NUTM2E: variants seen among roughly 807,000 people sequenced by gnomAD.
NUTM2E encodes family with sequence similarity 22, member E.
Under a neutral mutation model 26.1 loss-of-function variants are expected in NUTM2E, and 3 were observed. That is an observed-to-expected ratio of 0.12 (90% CI 0.05 to 0.30). The LOEUF (loss-of-function observed/expected upper bound fraction) is 0.30, where lower values mean the gene tolerates loss of function less well. Ranked by LOEUF, NUTM2E falls within the 10% of genes least tolerant of loss-of-function variation. NUTM2E has a pLI of 1.00. For missense variants in NUTM2E, 62 were observed against 381.3 expected (o/e 0.16, Z 6.97); for synonymous variants, 13 against 157.5 (o/e 0.08, Z 6.87).
intron 1 of NUTM2E, among the ~76,000 whole-genome samples, chr10:79,833,783 C>T (rs1841943477): frequency 6.6e-6 from 1 of 151,746 alleles, no homozygotes; most frequent in Non-Finnish European, 1.5e-5. Flanking sequence ...TTAGTTCAGC[C>T]ATTGTGGAAG....
chr10:79,827,698 A>G (rs1841894836), intron 1 of NUTM2E: 1 of 151,498 alleles, frequency 6.6e-6, no homozygotes, highest in Non-Finnish European at 1.5e-5. Context: ...TAACAAATTC[A>G]TGAAAAAGTG....
chr10:79,827,782 T>TG lies in NUTM2E; in HGVS notation c.-2728+427dup, dbSNP rs1219357991. The stretch of plus-strand genomic sequence containing the variant: ...CTCCCATACTAAATGAATTATTTAG[T>TG]GGTTTTTTTTTTGTTTTTTTTTTTT... On this transcript the variant is annotated intron_variant, in intron 1 of 9. Transcript: ENST00000429984. Among the ~76,000 whole-genome samples the TG allele has an allele frequency of 2.4e-3, 285 of 120,900 alleles. 4 individuals are homozygous for TG. Among genetic ancestry groups the TG allele is most frequent in the Non-Finnish European group, 2.9e-3 (174 of 59,726 alleles). The allele number at this position is 120,900 out of a possible 152,430, so 79.3% of individuals were successfully genotyped here. A position where few individuals can be genotyped will look rare whatever the true frequency, so the allele number is the denominator to read the frequency against.
At chr10:79,827,435 AT>A (rs1299188127) in intron 1 of NUTM2E, 78 bp downstream of exon 1, 1 of 151,508 alleles carries the variant, frequency 6.6e-6, no homozygotes, top group East Asian at 1.9e-4. Flanking sequence ...TACAGATAGG[AT>A]TACACTAAAA....
At chr10:79,832,944 TACTA>T (rs1162059200) in intron 1 of NUTM2E, among the ~76,000 whole-genome samples, 3 of 151,552 alleles carry the variant, frequency 2.0e-5, no homozygotes, top group South Asian at 4.2e-4. Context: ...TGAACACACT[TACTA>T]ATTGAATAAA....
chr10:79,832,299 T>C lies in NUTM2E; in HGVS notation c.-2728+4942T>C, dbSNP rs1255865264. Among the ~76,000 whole-genome samples the C allele has an allele frequency of 1.3e-5, 2 of 151,434 alleles. 1 individual carries two copies. Among genetic ancestry groups the C allele is most frequent in the South Asian group, 4.2e-4 (2 of 4,762 alleles). ...TGGCCATAAGAATTTATCTGGGAGA[T>C]GTCTATGTGTGTGTGCATGTGTGTG... On this transcript the variant is annotated intron_variant, in intron 1 of 9. Transcript: ENST00000429984.
chr10:79,828,514 T>C (rs893812725), intron 1 of NUTM2E, among the ~76,000 whole-genome samples: 1 of 151,894 alleles, frequency 6.6e-6, no homozygotes, highest in Non-Finnish European at 1.5e-5. Context: ...TTATCTCAAG[T>C]AGAAAAAATT....
intron 1 of NUTM2E, among the ~76,000 whole-genome samples, chr10:79,831,827 GT>G (rs1277545120): frequency 6.6e-6 from 1 of 151,078 alleles, no homozygotes; most frequent in Non-Finnish European, 1.5e-5. Flanking sequence ...GATAATTGCT[GT>G]TTTAGTTACT....
At chr10:79,831,905 C>A (rs557917370) in intron 1 of NUTM2E, among the ~76,000 whole-genome samples, 1 of 151,850 alleles carries the variant, frequency 6.6e-6, no homozygotes, top group Non-Finnish European at 1.5e-5. Flanking sequence ...TCTCACAGTT[C>A]TGGAGGCTGG....
At chr10:79,834,905 T>A (rs1367637082) in intron 1 of NUTM2E, among the ~76,000 whole-genome samples, 6 of 151,662 alleles carry the variant, frequency 4.0e-5, no homozygotes, top group African/African-American at 1.2e-4. Context: ...TTAGTGTGTT[T>A]AATTTTATTT....
At chr10:79,834,542 A>G (rs1490034012) in intron 1 of NUTM2E, among the ~76,000 whole-genome samples, 1 of 151,168 alleles carries the variant, frequency 6.6e-6, no homozygotes, top group African/African-American at 2.4e-5. Context: ...CTCTACTAAA[A>G]ATACAAAAAT....
chr10:79,826,988 C>T lies in NUTM2E; in HGVS notation c.-3097C>T, dbSNP rs1841886582. On this transcript the variant is annotated 5_prime_UTR_variant, in exon 1 of 10. Coordinates refer to ENST00000429984, the MANE Select transcript of NUTM2E (RefSeq NM_001355263.2). ...CATTGAGCTGCCAGCGGCTGTTCTCCCTAAGCACCCTCGCTCACGTCGCCT... is the reference window on the plus strand; with the variant it reads ...CATTGAGCTGCCAGCGGCTGTTCTCTCTAAGCACCCTCGCTCACGTCGCCT... The T allele has an allele frequency of 8.5e-6, 1 of 117,834 alleles. No individual in the cohort carries two copies. Among genetic ancestry groups the T allele is most frequent in the Non-Finnish European group, 1.9e-5 (1 of 53,722 alleles). 7.3% of individuals were successfully genotyped at this position (117,834 alleles called of 1,614,324 possible). A position where few individuals can be genotyped will look rare whatever the true frequency, so the allele number is the denominator to read the frequency against.
intron 1 of NUTM2E, among the ~76,000 whole-genome samples, chr10:79,828,800 G>C (rs1186603408): frequency 6.6e-6 from 1 of 151,728 alleles, no homozygotes; most frequent in Non-Finnish European, 1.5e-5. Context: ...AATACAGTAT[G>C]TTTCATAGGC....
intron 1 of NUTM2E, among the ~76,000 whole-genome samples, chr10:79,832,775 A>G (rs1340562804): frequency 6.6e-6 from 1 of 151,744 alleles, no homozygotes; most frequent in African/African-American, 2.4e-5. Flanking sequence ...ACCTATTTTA[A>G]TTTTCTTTTT....
At chr10:79,829,071 T>G (rs1330807591) in intron 1 of NUTM2E, among the ~76,000 whole-genome samples, 5 of 151,898 alleles carry the variant, frequency 3.3e-5, no homozygotes, top group Non-Finnish European at 2.9e-5. Context: ...TCAAGCTCTA[T>G]TCTCAAACTA....
rs574861879 is a variant in NUTM2E at position 79,849,959 on chromosome 10, C to A, written c.1990C>A (p.Gln664Lys). The A allele has an allele frequency of 3.7e-5, 29 of 787,310 alleles. 3 individuals are homozygous for A. Among genetic ancestry groups the A allele is most frequent in the African/African-American group, 3.4e-4 (14 of 41,492 alleles). The allele number at this position is 787,310 out of a possible 1,614,324, so 48.8% of individuals were successfully genotyped here. The change falls in exon 10 of 10, where the codon CAA (glutamine) becomes AAA (lysine). Residue 664 changes from glutamine (Q) to lysine (K), a missense_variant. By Grantham distance (53) the Gln-to-Lys change is moderately conservative (BLOSUM62 1). Transcript: ENST00000429984. ...QGAERDVPDP[Q>K]EGVGMETCPP... ...AGCAGAGAGAGACGTCCCTGACCCC[C>A]AAGAAGGGGTTGGCATGGAAACCTG... is the stretch of plus-strand genomic sequence containing the variant.
At chr10:79,845,057 G>A (rs1842015811) in intron 5 of NUTM2E, among the ~76,000 whole-genome samples, 185 bp downstream of exon 5, 1 of 112,950 alleles carries the variant, frequency 8.9e-6, no homozygotes, top group African/African-American at 2.7e-5. Context: ...ACTGTCAGGG[G>A]CCTCATCTCA....
rs1241412288 is a variant in NUTM2E, at chr10:79,841,121, G to A, written c.-620G>A. On this transcript the variant is annotated 5_prime_UTR_variant, in exon 4 of 10. Transcript: ENST00000429984. Reference sequence around the variant, plus strand: ...ACGAGGCCAACAGTGAGCTGAGAGAGGCCAGCCAGGGTGTGTTTCAGTGAA... The same window carrying A: ...ACGAGGCCAACAGTGAGCTGAGAGAAGCCAGCCAGGGTGTGTTTCAGTGAA... 1.7e-5 allele frequency among the ~76,000 whole-genome samples: 2 copies of A among 119,512 alleles called. No homozygotes were observed. Among genetic ancestry groups the A allele is most frequent in the Admixed American group, 9.6e-5 (1 of 10,454 alleles). The allele number at this position is 119,512 out of a possible 152,430, so 78.4% of individuals were successfully genotyped here. A position where few individuals can be genotyped will look rare whatever the true frequency, so the allele number is the denominator to read the frequency against.
Position 79,838,527 on chromosome 10 carries a change from C to G in NUTM2E, c.-2509C>G, listed in dbSNP as rs1386090928. On this transcript the variant is annotated 5_prime_UTR_variant, in exon 2 of 10. Transcript: ENST00000429984. Reference sequence around the variant, plus strand: ...TTGTTTGGAATGTGAAAGGCACGGCCGAGACACACTTTGAGGTTCCCACTG... The same window carrying G: ...TTGTTTGGAATGTGAAAGGCACGGCGGAGACACACTTTGAGGTTCCCACTG... 6.7e-6 allele frequency among the ~76,000 whole-genome samples: 1 copy of G among 148,862 alleles called. No homozygotes were observed. The highest frequency in any genetic ancestry group is 6.7e-5 in the Admixed American group (1 of 14,882).
chr10:79,839,936 C>T lies in NUTM2E; in HGVS notation c.-1805C>T, dbSNP rs1381278179. On this transcript the variant is annotated 5_prime_UTR_variant, in exon 4 of 10. Coordinates refer to ENST00000429984, the MANE Select transcript of NUTM2E (RefSeq NM_001355263.2). ...TTTGGCTAATTTGACTGTCTCTCCT[C>T]CTGGGGTCTAGGACTTCAAACATGT... Among the ~76,000 whole-genome samples the T allele has an allele frequency of 3.4e-5, 5 of 149,182 alleles. No individual in the cohort carries two copies. Among genetic ancestry groups the T allele is most frequent in the African/African-American group, 1.0e-4 (4 of 39,934 alleles).
Sources: gnomAD v4.1 joint callset for allele counts (sites outside exome capture counted in the v4.1 genomes callset) on GRCh38, gnomAD v4.1.1 for gene constraint, MANE v1.5 for transcripts, NCBI Gene and HGNC (gene_info 2026-07-23, HGNC 2026-07-21) for gene names.